The following PHF21B variants were observed in gnomAD, a reference collection of about 807,000 sequenced individuals.
The protein encoded by PHF21B is PHD finger protein 4.
A neutral mutation model predicts 62.2 loss-of-function variants in PHF21B; 22 were observed. That is an observed-to-expected ratio of 0.35 (90% confidence interval 0.25 to 0.51). The LOEUF is 0.51. PHF21B is among the 20% of genes least tolerant of loss of function. The pLI, the probability that PHF21B is intolerant of heterozygous loss-of-function variation, is 0.97. For synonymous variants in PHF21B, 341 were observed against 314.7 expected, an observed-to-expected ratio of 1.08 and a Z score of -0.88; for missense variants, 701 against 707.9, an observed-to-expected ratio of 0.99 and a Z score of 0.11.
At chr22:44,998,167 TCTTA>T (rs2073153397) in intron 2 of PHF21B, among the ~76,000 whole-genome samples, 3 of 152,224 alleles carry the variant, frequency 2.0e-5, no homozygotes, top group South Asian at 4.1e-4. Context: ...GCTGCCTGTC[TCTTA>T]CTTGTGCAAT....
intron 2 of PHF21B, among the ~76,000 whole-genome samples, chr22:44,974,897 T>C (rs138400525): frequency 2.4e-4 from 36 of 152,342 alleles, no homozygotes; most frequent in Admixed American, 5.2e-4. Context: ...TACCACTCAG[T>C]ACCCAATCAT....
chr22:44,980,324 C>T (rs146465150), intron 2 of PHF21B, among the ~76,000 whole-genome samples: 2 of 152,320 alleles, frequency 1.3e-5, no homozygotes, highest in East Asian at 3.9e-4. Flanking sequence ...CTCAGACTGG[C>T]TTGCAGTCAC....
At chr22:44,906,008 A>T (rs6007379) in intron 5 of PHF21B, among the ~76,000 whole-genome samples, 2 of 152,084 alleles carry the variant, frequency 1.3e-5, no homozygotes, top group Non-Finnish European at 2.9e-5. Flanking sequence ...CCGGACCAGC[A>T]GAGAAGCCTG....
At chr22:44,939,082 G>A (rs1003376987) in intron 2 of PHF21B, among the ~76,000 whole-genome samples, 2 of 152,220 alleles carry the variant, frequency 1.3e-5, no homozygotes, top group African/African-American at 2.4e-5. Flanking sequence ...CTGCACAAGC[G>A]CAGGCCCTTC....
chr22:44,957,803 T>G (rs541288281), intron 2 of PHF21B, among the ~76,000 whole-genome samples: 1 of 152,294 alleles, frequency 6.6e-6, no homozygotes, highest in South Asian at 2.1e-4. Context: ...TCACCCAGTA[T>G]CTTTCTGAGA....
At chr22:44,981,177 G>C (rs1340056567) in intron 2 of PHF21B, among the ~76,000 whole-genome samples, 1 of 152,180 alleles carries the variant, frequency 6.6e-6, no homozygotes, top group African/African-American at 2.4e-5. Flanking sequence ...TGGAGAAAGA[G>C]GGAGACAGAG....
At chr22:44,953,414 C>T (rs545472393) in intron 2 of PHF21B, among the ~76,000 whole-genome samples, 2 of 152,326 alleles carry the variant, frequency 1.3e-5, no homozygotes, top group African/African-American at 2.4e-5. Flanking sequence ...CAGGTTCCAT[C>T]GGGCTTTTGT....
At chr22:44,977,359 G>GT (rs1276306698) in intron 2 of PHF21B, among the ~76,000 whole-genome samples, 2 of 152,072 alleles carry the variant, frequency 1.3e-5, no homozygotes, top group East Asian at 1.9e-4. Flanking sequence ...GAGGTCAGGA[G>GT]TTTGAGACCA....
At chr22:44,911,044 T>G (rs1434735655) in intron 5 of PHF21B, among the ~76,000 whole-genome samples, 1 of 152,176 alleles carries the variant, frequency 6.6e-6, no homozygotes, top group Admixed American at 6.5e-5. Context: ...TCTTGTTATG[T>G]TTTAGCAAAG....
At chr22:44,980,429 G>A (rs547192537) in intron 2 of PHF21B, among the ~76,000 whole-genome samples, 14 of 152,164 alleles carry the variant, frequency 9.2e-5, no homozygotes, top group Non-Finnish European at 1.3e-4. Flanking sequence ...CAGGGTTACC[G>A]GGCATCACCA....
At chr22:44,953,436 C>T (rs1263876305) in intron 2 of PHF21B, among the ~76,000 whole-genome samples, 2 of 152,156 alleles carry the variant, frequency 1.3e-5, no homozygotes, top group Non-Finnish European at 2.9e-5. Context: ...GTGTGATCAC[C>T]GCTAATTTTC....
At chr22:44,909,052 C>T (rs1239173108) in intron 5 of PHF21B, among the ~76,000 whole-genome samples, 1 of 152,154 alleles carries the variant, frequency 6.6e-6, no homozygotes, top group Non-Finnish European at 1.5e-5. Flanking sequence ...CCCACCTTGG[C>T]CTCCCAAAGT....
intron 7 of PHF21B, among the ~76,000 whole-genome samples, chr22:44,893,199 A>G (rs780578406): frequency 1.3e-5 from 2 of 151,812 alleles, no homozygotes; most frequent in Non-Finnish European, 2.9e-5. Flanking sequence ...GGTGTACCTC[A>G]CACGAAGCCA....
In PHF21B at chr22:44,886,392, CAAAAAAAAAAAAA is replaced by C. The variant is rs61502377; in HGVS notation, c.1198-467_1198-455del. ...GAAAGAAGAAAAAAGGAAGAAGAGGCAAAAAAAAAAAAAAAAAAAAAAAAAAAAGCTGGGCATT... is the reference window on the plus strand; with the variant it reads ...GAAAGAAGAAAAAAGGAAGAAGAGGCAAAAAAAAAAAAAAAGCTGGGCATT... On this transcript the variant is annotated intron_variant, in intron 10 of 12. Coordinates refer to ENST00000313237, the MANE Select transcript of PHF21B (RefSeq NM_138415.5). Among the ~76,000 whole-genome samples the C allele has an allele frequency of 5.6e-5, 3 of 53,180 alleles. 1 individual carries two copies. The highest frequency in any genetic ancestry group is 2.0e-3 in the South Asian group (2 of 984). 34.9% of individuals were successfully genotyped at this position (53,180 alleles called of 152,430 possible). A position where few individuals can be genotyped will look rare whatever the true frequency, so the allele number is the denominator to read the frequency against.
chr22:44,895,928 G>T, intron 6 of PHF21B, 104 bp downstream of exon 6: 1 of 1,256,434 alleles, frequency 8.0e-7, no homozygotes, highest in Non-Finnish European at 1.2e-6. Flanking sequence ...ACCCATATCG[G>T]CTGCTGCTGA....
intron 3 of PHF21B, among the ~76,000 whole-genome samples, chr22:44,918,589 C>T (rs1277287649): frequency 6.6e-6 from 1 of 152,222 alleles, no homozygotes; most frequent in Non-Finnish European, 1.5e-5. Flanking sequence ...AGGCTGGCCC[C>T]AACACAGGCT....
Position 45,009,989 on chromosome 22 carries a change from G to C in PHF21B, c.-440C>G, listed in dbSNP as rs1041554543. On this transcript the variant is annotated 5_prime_UTR_variant, in exon 1 of 13. It adds an upstream start codon to the 5' untranslated region. Transcript: ENST00000313237. The surrounding 1 kb of genome is among the most constrained non-coding windows in gnomAD (Gnocchi z 5.9). ...CCTCGGCAAAGTTGTGCCTCGGCAC[G>C]ATGCTAATTCGGCAGTGCCCGGATG... is the stretch of plus-strand genomic sequence containing the variant. 1 of 146,196 alleles carries C rather than the reference G, an allele frequency of 6.8e-6. No individual in the cohort carries two copies. Among genetic ancestry groups the C allele is most frequent in the Non-Finnish European group, 1.5e-5 (1 of 65,578 alleles). The allele number at this position is 146,196 out of a possible 1,614,324, so 9.1% of individuals were successfully genotyped here.
intron 6 of PHF21B, among the ~76,000 whole-genome samples, chr22:44,895,321 G>A (rs1029667683): frequency 1.3e-5 from 2 of 152,150 alleles, no homozygotes; most frequent in Middle Eastern, 3.2e-3. Flanking sequence ...CACAGCTCAC[G>A]TGAGATTGCC....
At chr22:44,937,719 G>A (rs539213941) in intron 2 of PHF21B, among the ~76,000 whole-genome samples, 2 of 152,346 alleles carry the variant, frequency 1.3e-5, no homozygotes, top group Admixed American at 6.5e-5. Context: ...CCTACTGTGG[G>A]ACCCCCACGC....
Sources: allele counts gnomAD v4.1 joint callset (sites outside exome capture counted in the v4.1 genomes callset), GRCh38; gene constraint gnomAD v4.1.1; non-coding constraint Gnocchi (gnomAD v3.1); transcripts MANE v1.5; gene names NCBI Gene and HGNC (gene_info 2026-07-23, HGNC 2026-07-21).